The following PIK3R5 variants were observed in gnomAD, a reference collection of about 807,000 sequenced individuals.
PIK3R5 encodes phosphoinositide-3-kinase regulatory subunit 5, also known as phosphoinositide 3-kinase regulatory subunit 5.
PIK3R5 carries 32 observed loss-of-function variants against 94.9 expected under a neutral mutation model. The observed-to-expected ratio is 0.34, with a 90% CI of 0.25 to 0.45. PIK3R5 has a LOEUF of 0.45. Ranked by LOEUF, PIK3R5 falls within the 20% of genes least tolerant of loss-of-function variation. The probability of loss-of-function intolerance (pLI) is 1.00; values close to 1 mark genes in which losing one functional copy is unlikely to be tolerated. For synonymous variants in PIK3R5, 443 were observed against 479.4 expected (o/e 0.92, Z 0.99); for missense variants, 853 against 1,144.6 (o/e 0.75, Z 3.68).
In PIK3R5 at chr17:8,888,978, C is replaced by G; in HGVS notation, c.896-87G>C. The G allele has an allele frequency of 4.6e-6, 7 of 1,536,194 alleles. No homozygotes were observed. The highest frequency in any genetic ancestry group is 6.1e-6 in the Non-Finnish European group (7 of 1,145,658). On this transcript the variant is annotated intron_variant, in intron 9 of 18. Coordinates refer to ENST00000447110, the MANE Select transcript of PIK3R5 (RefSeq NM_001142633.3). This position sits in a 1 kb window ranked among gnomAD's most constrained non-coding sequence, Gnocchi z 7.8. Reference sequence around the variant, plus strand: ...CCTTTGGAGGGGAGACAGCAGGACTCAGGGCCAGCCCAGGACTCCTAGCAC... The same window carrying G: ...CCTTTGGAGGGGAGACAGCAGGACTGAGGGCCAGCCCAGGACTCCTAGCAC...
chr17:8,961,405 C>T (rs555516683), intron 1 of PIK3R5, among the ~76,000 whole-genome samples: 12 of 152,186 alleles, frequency 7.9e-5, no homozygotes, highest in African/African-American at 2.6e-4. Context: ...GAGGCCAAGG[C>T]GGGCAGAACA....
intron 1 of PIK3R5, among the ~76,000 whole-genome samples, chr17:8,962,355 C>T (rs905034234): frequency 6.6e-6 from 1 of 152,150 alleles, no homozygotes; most frequent in Admixed American, 6.5e-5. Context: ...AATGGCAGGC[C>T]AGAACCATTT....
chr17:8,944,796 C>T (rs1449454085), intron 1 of PIK3R5, among the ~76,000 whole-genome samples: 1 of 152,154 alleles, frequency 6.6e-6, no homozygotes, highest in Non-Finnish European at 1.5e-5. Flanking sequence ...TTGGGACCCT[C>T]CTATATCTAG....
rs1282498213 is a variant in PIK3R5, at chr17:8,925,135, A to G, written c.-13-13628T>C. Among the ~76,000 whole-genome samples the G allele has an allele frequency of 6.6e-6, 1 of 151,414 alleles. No homozygotes were observed. The highest frequency in any genetic ancestry group is 2.4e-5 in the African/African-American group (1 of 40,872). Reference sequence around the variant, plus strand: ...AGATAGATAGTAGATGGATAGATAGATAGTAGATGAATAGATAGCTAGATA... The same window carrying G: ...AGATAGATAGTAGATGGATAGATAGGTAGTAGATGAATAGATAGCTAGATA... On this transcript the variant is annotated intron_variant, in intron 1 of 18. Transcript: ENST00000447110. This position sits in a 1 kb window ranked among gnomAD's most constrained non-coding sequence, Gnocchi z 5.1.
At chr17:8,901,442 A>T (rs893953364) in intron 5 of PIK3R5, among the ~76,000 whole-genome samples, 1 of 152,152 alleles carries the variant, frequency 6.6e-6, no homozygotes, top group South Asian at 2.1e-4. Flanking sequence ...GGCGAGGCAC[A>T]GACAGGTCAG....
At chr17:8,957,894 A>G (rs2091490765) in intron 1 of PIK3R5, among the ~76,000 whole-genome samples, 2 of 152,210 alleles carry the variant, frequency 1.3e-5, no homozygotes. Context: ...CCGCTCTATA[A>G]GCTGTCACAG....
chr17:8,905,851 G>A, intron 3 of PIK3R5, 114 bp from the exon 4 acceptor site: 4 of 495,190 alleles, frequency 8.1e-6, no homozygotes, highest in South Asian at 3.3e-5. Flanking sequence ...TTTTTTTAGG[G>A]GAAAATAGTG....
chr17:8,956,734 G>A (rs1456610054), intron 1 of PIK3R5, among the ~76,000 whole-genome samples: 1 of 152,158 alleles, frequency 6.6e-6, no homozygotes, highest in Non-Finnish European at 1.5e-5. Flanking sequence ...AAACATTGAC[G>A]TGAAAACCCC....
At chr17:8,891,986 G>A (rs1291123474) in intron 6 of PIK3R5, among the ~76,000 whole-genome samples, 2 of 152,064 alleles carry the variant, frequency 1.3e-5, no homozygotes, top group East Asian at 3.8e-4. Context: ...AGTTAACAAC[G>A]CACGGCTGTT....
In PIK3R5 at chr17:8,889,219, G is replaced by A. The variant is rs1270841322; in HGVS notation, c.815C>T (p.Thr272Ile). 1.1e-5 allele frequency: 18 copies of A among 1,613,074 alleles called. No individual in the cohort carries two copies. The highest frequency in any genetic ancestry group is 1.4e-5 in the Non-Finnish European group (17 of 1,179,344). Residue 272 changes from threonine to isoleucine, a missense_variant, in exon 9 of 19, where the codon ACT (threonine) becomes ATT (isoleucine). By Grantham distance (89) the Thr-to-Ile change is moderately conservative. This residue lies in a region of PIK3R5 where 161 missense variants were observed against 249.5 expected (regional missense o/e 0.65). Coordinates refer to ENST00000447110, the MANE Select transcript of PIK3R5 (RefSeq NM_001142633.3). This position sits in a 1 kb window ranked among gnomAD's most constrained non-coding sequence, Gnocchi z 4.1. Reference sequence around the variant, plus strand: ...GGTGTGGAGCTTCCCTGGTTTTGCAGTGTCTGTAAGAACAGGGAGGATAGG... The same window carrying A: ...GGTGTGGAGCTTCCCTGGTTTTGCAATGTCTGTAAGAACAGGGAGGATAGG... ...EKAGFPGVLD[T>I]AKPGKLHTIP...
At chr17:8,948,443 C>A (rs1261469489) in intron 1 of PIK3R5, among the ~76,000 whole-genome samples, 1 of 152,122 alleles carries the variant, frequency 6.6e-6, no homozygotes, top group African/African-American at 2.4e-5. Flanking sequence ...GAGGTCACTA[C>A]ACAATGTGAA....
At chr17:8,895,521 GTCCCCA>G (rs2090134581) in intron 5 of PIK3R5, among the ~76,000 whole-genome samples, 2 of 151,990 alleles carry the variant, frequency 1.3e-5, no homozygotes, top group African/African-American at 4.8e-5. Flanking sequence ...CATTTTCCCC[GTCCCCA>G]TACCCAACGG....
Position 8,955,250 on chromosome 17 carries a change from G to C in PIK3R5, c.-14+10346C>G, listed in dbSNP as rs749211258. ...CGGGCCTCTTCCATGCTGGCTGCTC[G>C]ACCAGGCAATCACTCATTCAGCAAG... On this transcript the variant is annotated intron_variant, in intron 1 of 18. Transcript: ENST00000447110. The surrounding 1 kb of genome is among the most constrained non-coding windows in gnomAD (Gnocchi z 4.4). Among the ~76,000 whole-genome samples the C allele has an allele frequency of 6.6e-6, 1 of 152,196 alleles. No homozygotes were observed. The highest frequency in any genetic ancestry group is 2.4e-5 in the African/African-American group (1 of 41,434).
intron 5 of PIK3R5, among the ~76,000 whole-genome samples, chr17:8,895,543 C>T (rs1177330037): frequency 6.6e-6 from 1 of 152,204 alleles, no homozygotes; most frequent in Non-Finnish European, 1.5e-5. Context: ...AACGGCCCAA[C>T]CTCATCCTCA....
chr17:8,904,707 G>A lies in PIK3R5; in HGVS notation c.412+70C>T, dbSNP rs2090358099. ...AAGGTAAGGAGGGTCACAAAAAACA[G>A]TTTCAGAGGAGTTGGAAGCATTCTG... On this transcript the variant is annotated intron_variant, in intron 5 of 18. Coordinates refer to ENST00000447110, the MANE Select transcript of PIK3R5 (RefSeq NM_001142633.3). This position sits in a 1 kb window ranked among gnomAD's most constrained non-coding sequence, Gnocchi z 5.1. 1 of 1,525,292 alleles carries A rather than the reference G, an allele frequency of 6.6e-7. No homozygotes were observed. Among genetic ancestry groups the A allele is most frequent in the African/African-American group, 1.4e-5 (1 of 72,888 alleles). The allele number at this position is 1,525,292 out of a possible 1,614,324, so 94.5% of individuals were successfully genotyped here. A position where few individuals can be genotyped will look rare whatever the true frequency, so the allele number is the denominator to read the frequency against.
At chr17:8,963,116 T>C (rs559036644) in intron 1 of PIK3R5, among the ~76,000 whole-genome samples, 2 of 152,274 alleles carry the variant, frequency 1.3e-5, no homozygotes, top group East Asian at 3.9e-4. Context: ...GTGCTGGGAT[T>C]ATAGGCATGA....
At position 8,888,044 on chromosome 17, in the gene PIK3R5, TAATAA is replaced by T. The variant is rs1384631171; in HGVS notation, c.1616+122_1616+126del. ...ATAATAATAATAATAATAATAATAATAATAAAATAAAAATAAATAAGGGAACTTTT... is the reference window on the plus strand; with the variant it reads ...ATAATAATAATAATAATAATAATAATAATAAAAATAAATAAGGGAACTTTT... On this transcript the variant is annotated intron_variant, in intron 10 of 18. Coordinates refer to ENST00000447110, the MANE Select transcript of PIK3R5 (RefSeq NM_001142633.3). This position sits in a 1 kb window ranked among gnomAD's most constrained non-coding sequence, Gnocchi z 7.8. The T allele has an allele frequency of 4.8e-4, 135 of 282,346 alleles. 1 individual carries two copies. The highest frequency in any genetic ancestry group is 2.6e-3 in the African/African-American group (107 of 41,756). 17.5% of individuals were successfully genotyped at this position (282,346 alleles called of 1,614,324 possible). A position where few individuals can be genotyped will look rare whatever the true frequency, so the allele number is the denominator to read the frequency against.
chr17:8,898,187 C>T (rs2090194870), intron 5 of PIK3R5, among the ~76,000 whole-genome samples: 1 of 152,146 alleles, frequency 6.6e-6, no homozygotes, highest in African/African-American at 2.4e-5. Context: ...GTATAAAATC[C>T]AAATGTCTGT....
In PIK3R5 at chr17:8,904,693, G is replaced by C. The variant is rs558912906; in HGVS notation, c.412+84C>G. 1.4e-6 allele frequency: 2 copies of C among 1,383,624 alleles called. No homozygotes were observed. The highest frequency in any genetic ancestry group is 2.8e-5 in the African/African-American group (2 of 70,252). 85.7% of individuals were successfully genotyped at this position (1,383,624 alleles called of 1,614,324 possible). On this transcript the variant is annotated intron_variant, in intron 5 of 18. Coordinates refer to ENST00000447110, the MANE Select transcript of PIK3R5 (RefSeq NM_001142633.3). This position sits in a 1 kb window ranked among gnomAD's most constrained non-coding sequence, Gnocchi z 5.1. ...GAATCAAAGGATGCAAGGTAAGGAGGGTCACAAAAAACAGTTTCAGAGGAG... is the reference window on the plus strand; with the variant it reads ...GAATCAAAGGATGCAAGGTAAGGAGCGTCACAAAAAACAGTTTCAGAGGAG...
Sources: gnomAD v4.1 joint callset for allele counts (sites outside exome capture counted in the v4.1 genomes callset) on GRCh38, gnomAD v4.1.1 for gene constraint, gnomAD v4.1.1 regional missense constraint, Gnocchi (gnomAD v3.1) non-coding constraint, MANE v1.5 for transcripts, NCBI Gene and HGNC (gene_info 2026-07-23, HGNC 2026-07-21) for gene names.